Variants in APOO observed in about 807,000 individuals in gnomAD.
APOO encodes apolipoprotein O.
A neutral mutation model predicts 23.1 loss-of-function variants in APOO; 11 were observed. The observed-to-expected ratio is 0.48, with a 90% CI of 0.30 to 0.79. APOO has a LOEUF of 0.79. APOO is among the 30% of genes least tolerant of loss of function. The pLI is 0.07. For missense variants in APOO, 160 were observed against 142.7 expected (o/e 1.12, Z -0.62); for synonymous variants, 59 against 54.8 (o/e 1.08, Z -0.34).
intron 1 of APOO, among the ~76,000 whole-genome samples, chrX:23,903,782 T>C (rs1032141193): frequency 1.8e-5 from 2 of 111,610 alleles, no homozygotes; most frequent in Non-Finnish European, 3.8e-5. Context: ...TACCATTCTG[T>C]TGAGTCGTAC....
intron 5 of APOO, among the ~76,000 whole-genome samples, chrX:23,867,082 AGAGT>A (rs1244907061): frequency 9.1e-6 from 1 of 110,127 alleles, no homozygotes; most frequent in Non-Finnish European, 1.9e-5. Context: ...CCTGGGCGAC[AGAGT>A]GAGACTCTAT....
intron 7 of APOO, among the ~76,000 whole-genome samples, chrX:23,855,481 GTTAT>G (rs1327593936): frequency 2.7e-5 from 3 of 111,263 alleles, no homozygotes; most frequent in African/African-American, 3.3e-5. Context: ...TTGAAGCTCA[GTTAT>G]TTATTTTTTT....
intron 5 of APOO, among the ~76,000 whole-genome samples, chrX:23,867,211 G>A (rs112976800): frequency 3.2e-4 from 36 of 112,117 alleles, no homozygotes; most frequent in African/African-American, 1.0e-3. Context: ...TGGAGGAATA[G>A]GACTGATACA....
At chrX:23,907,492 G>A (rs1927416987) in intron 1 of APOO, among the ~76,000 whole-genome samples, 1 of 112,556 alleles carries the variant, frequency 8.9e-6, no homozygotes, top group South Asian at 3.6e-4. Flanking sequence ...CCCACCCGGG[G>A]GTCTCCCGCC....
chrX:23,855,192 A>AT (rs1382431619), intron 7 of APOO, among the ~76,000 whole-genome samples: 1 of 108,161 alleles, frequency 9.2e-6, no homozygotes, highest in Non-Finnish European at 1.9e-5. Context: ...GCCCAGCTAA[A>AT]TTTTTTATTT....
intron 8 of APOO, among the ~76,000 whole-genome samples, chrX:23,838,519 C>T (rs187228491): frequency 2.8e-5 from 3 of 107,838 alleles, no homozygotes; most frequent in Non-Finnish European, 3.8e-5. Flanking sequence ...TGGGTTCAAG[C>T]GATTCTCCTG....
chrX:23,899,310 G>A (rs1462636925), intron 1 of APOO, among the ~76,000 whole-genome samples: 1 of 112,199 alleles, frequency 8.9e-6, no homozygotes, highest in Non-Finnish European at 1.9e-5. Flanking sequence ...AAAGTCATAG[G>A]CTTTCAGCAT....
chrX:23,840,453 G>A, intron 7 of APOO, 76 bp from the exon 8 acceptor site: 9 of 935,823 alleles, frequency 9.6e-6, no homozygotes, highest in Non-Finnish European at 1.3e-5. Flanking sequence ...TGAGTATTTG[G>A]CTGAACATGA....
intron 7 of APOO, 65 bp downstream of exon 7, chrX:23,856,237 T>C (rs1924776793): frequency 9.6e-7 from 1 of 1,038,552 alleles, no homozygotes; most frequent in Admixed American, 2.6e-5. Flanking sequence ...TCAAATATTT[T>C]ACAAAACCCT....
At chrX:23,859,729 C>T (rs187526375) in intron 5 of APOO, among the ~76,000 whole-genome samples, 157 of 111,975 alleles carry the variant, frequency 1.4e-3, no homozygotes, top group African/African-American at 4.8e-3. Context: ...AGGTGTAAGC[C>T]GCTGCGCCCG....
intron 1 of APOO, among the ~76,000 whole-genome samples, chrX:23,904,445 C>T (rs771918372): frequency 1.8e-5 from 2 of 110,111 alleles, no homozygotes; most frequent in Non-Finnish European, 3.8e-5. Flanking sequence ...TCTTGCAACC[C>T]TAAAGGAAAC....
At chrX:23,871,823 G>C (rs1057408313) in intron 4 of APOO, among the ~76,000 whole-genome samples, 2 of 111,466 alleles carry the variant, frequency 1.8e-5, no homozygotes, top group African/African-American at 6.5e-5. Context: ...AATATATACA[G>C]AACTGAACTA....
At chrX:23,863,508 A>G (rs1362933225) in intron 5 of APOO, among the ~76,000 whole-genome samples, 1 of 112,113 alleles carries the variant, frequency 8.9e-6, no homozygotes, top group Non-Finnish European at 1.9e-5. Context: ...GCCAGATGCT[A>G]GAATACATGG....
At chrX:23,885,061 G>C (rs972224753) in intron 1 of APOO, among the ~76,000 whole-genome samples, 1 of 110,590 alleles carries the variant, frequency 9.0e-6, no homozygotes, top group Non-Finnish European at 1.9e-5. Context: ...ATGTTTTTTG[G>C]GTCTGGACTT....
intron 1 of APOO, among the ~76,000 whole-genome samples, chrX:23,905,635 C>T (rs947869305): frequency 1.8e-5 from 2 of 111,218 alleles, no homozygotes; most frequent in African/African-American, 6.5e-5. Context: ...CCTCTTTGGC[C>T]GTCAGTGAGT....
chrX:23,907,736 C>A lies in APOO; in HGVS notation c.-34G>T. The A allele has an allele frequency of 1.7e-6, 2 of 1,158,695 alleles. No homozygotes were observed. Among genetic ancestry groups the A allele is most frequent in the South Asian group, 3.9e-5 (2 of 50,668 alleles). On this transcript the variant is annotated 5_prime_UTR_variant, in exon 1 of 9. Transcript: ENST00000379226. ...CAGCGGAGGCTCCGGCAGGGTCACC[C>A]CGGCCTCGGCCACGCCCACTATAGA...
chrX:23,873,723 A>G (rs1281563459), intron 4 of APOO, among the ~76,000 whole-genome samples: 1 of 112,005 alleles, frequency 8.9e-6, no homozygotes, highest in African/African-American at 3.2e-5. Context: ...TGATCTTACC[A>G]AAGAAACTGT....
At chrX:23,861,377 A>G (rs1925018313) in intron 5 of APOO, among the ~76,000 whole-genome samples, 1 of 109,072 alleles carries the variant, frequency 9.2e-6, no homozygotes, top group South Asian at 4.0e-4. Flanking sequence ...TTTGCCTTCC[A>G]CCATGATTGC....
chrX:23,881,947 C>CAAAAA (rs56820853), intron 1 of APOO, among the ~76,000 whole-genome samples: 2 of 31,814 alleles, frequency 6.3e-5, no homozygotes, highest in African/African-American at 1.4e-4. Context: ...GACTCCACCT[C>CAAAAA]AAAAAAAAAA....
Sources: allele counts gnomAD v4.1 joint callset (sites outside exome capture counted in the v4.1 genomes callset), GRCh38; gene constraint gnomAD v4.1.1; transcripts MANE v1.5; gene names NCBI Gene and HGNC (gene_info 2026-07-23, HGNC 2026-07-21).